The following DSCAM variants were observed in gnomAD, a reference collection of about 807,000 sequenced individuals.
The protein encoded by DSCAM is cell adhesion molecule DSCAM.
DSCAM carries 47 observed loss-of-function variants against 217.7 expected under a neutral mutation model. That is an observed-to-expected ratio of 0.22 (90% CI 0.17 to 0.28). DSCAM has a LOEUF of 0.28. DSCAM is among the 10% of genes least tolerant of loss of function. The pLI, the probability that DSCAM is intolerant of heterozygous loss-of-function variation, is 1.00. For missense variants in DSCAM, 2,080 were observed against 2,618.3 expected, an observed-to-expected ratio of 0.79 and a Z score of 4.49; for synonymous variants, 1,056 against 1,015.3, an observed-to-expected ratio of 1.04 and a Z score of -0.76.
At chr21:40,676,550 T>TTTTTG (rs1023112354) in intron 3 of DSCAM, among the ~76,000 whole-genome samples, 18 of 152,202 alleles carry the variant, frequency 1.2e-4, no homozygotes, top group African/African-American at 4.3e-4. Context: ...TTTGCTTGTT[T>TTTTTG]TTTTGTTTTG....
chr21:40,304,790 G>A (rs570463563), intron 9 of DSCAM, among the ~76,000 whole-genome samples: 1 of 152,226 alleles, frequency 6.6e-6, no homozygotes, highest in South Asian at 2.1e-4. Context: ...ACTGGGAAAT[G>A]GTTGGTTAGT....
intron 10 of DSCAM, among the ~76,000 whole-genome samples, chr21:40,289,559 C>T (rs973086109): frequency 1.3e-5 from 2 of 152,258 alleles, no homozygotes; most frequent in Admixed American, 1.3e-4. Context: ...AGTATAGACA[C>T]ATAAGATATG....
intron 3 of DSCAM, among the ~76,000 whole-genome samples, chr21:40,487,244 TCTCTTTCTCTCC>T (rs2076035985): frequency 1.7e-5 from 2 of 118,406 alleles, no homozygotes; most frequent in Admixed American, 1.7e-4. Flanking sequence ...TCTCTCTCTC[TCTCTTTCTCTCC>T]CTCTCTCTCT....
intron 9 of DSCAM, 34 bp from the exon 10 acceptor site, chr21:40,296,208 C>G (rs763751418): frequency 6.2e-7 from 1 of 1,611,078 alleles, no homozygotes; most frequent in East Asian, 2.2e-5. Context: ...GTAATTAAGA[C>G]TAGACCAGAA....
chr21:40,558,185 C>T (rs1217023479), intron 3 of DSCAM, among the ~76,000 whole-genome samples: 1 of 152,052 alleles, frequency 6.6e-6, no homozygotes. Flanking sequence ...ATCTCTTTAT[C>T]AGTTGTCATT....
intron 11 of DSCAM, among the ~76,000 whole-genome samples, chr21:40,190,518 C>T (rs1352965547): frequency 2.6e-5 from 4 of 152,082 alleles, no homozygotes; most frequent in Non-Finnish European, 5.9e-5. Flanking sequence ...AAATAAAAAT[C>T]CACAAAGGCA....
At chr21:40,176,515 C>T (rs2090733665) in intron 15 of DSCAM, among the ~76,000 whole-genome samples, 1 of 152,160 alleles carries the variant, frequency 6.6e-6, no homozygotes, top group Non-Finnish European at 1.5e-5. Flanking sequence ...TGTCTACAGC[C>T]CCTGCTCAAT....
chr21:40,443,183 C>G (rs192192197), intron 3 of DSCAM, among the ~76,000 whole-genome samples: 2 of 152,300 alleles, frequency 1.3e-5, no homozygotes, highest in East Asian at 3.9e-4. Flanking sequence ...TTCGCTTAAT[C>G]AATTTCTTTT....
chr21:40,179,003 G>A lies in DSCAM; in HGVS notation c.2871C>T (p.Ser957=), dbSNP rs949273457. Residue 957 remains serine, a synonymous_variant, in exon 15 of 33, where the codon AGC becomes AGT. Transcript: ENST00000400454. The part of the protein sequence containing the change: ...IIDIHPSSTY[S]IRMYAKNRIG... ...TCCGGTTCTTGGCGTACATGCGGAT[G>A]CTGTAGGTGGAGGAAGGGTGGATAT... 1 of 1,614,060 alleles carries A rather than the reference G, an allele frequency of 6.2e-7. No homozygotes were observed. The highest frequency in any genetic ancestry group is 1.7e-5 in the Admixed American group (1 of 60,014).
chr21:40,602,460 T>C (rs1248337755), intron 3 of DSCAM, among the ~76,000 whole-genome samples: 1 of 152,190 alleles, frequency 6.6e-6, no homozygotes, highest in East Asian at 1.9e-4. Flanking sequence ...CCTGATGCTA[T>C]CTTTTTTGGA....
chr21:40,692,657 C>T (rs575871464), intron 3 of DSCAM, among the ~76,000 whole-genome samples, 153 bp downstream of exon 3: 58 of 152,314 alleles, frequency 3.8e-4, no homozygotes, highest in African/African-American at 1.4e-3. Context: ...ATACAAAACA[C>T]TTATTTCAGG....
At position 40,072,643 on chromosome 21, in the gene DSCAM, C is replaced by A. The variant is rs185210127; in HGVS notation, c.4888+2394G>T. 3.3e-5 allele frequency among the ~76,000 whole-genome samples: 5 copies of A among 152,214 alleles called. No individual in the cohort carries two copies. In the South Asian group the frequency reaches 6.2e-4, roughly 19 times the overall value. ...GATTACAGGTGTGAGCCACCGCACC[C>A]GGCCTCTCCTGTCAGATTCTTGATT... On this transcript the variant is annotated intron_variant, in intron 27 of 32. Transcript: ENST00000400454.
At chr21:40,214,613 C>T (rs1455605948) in intron 11 of DSCAM, among the ~76,000 whole-genome samples, 1 of 151,156 alleles carries the variant, frequency 6.6e-6, no homozygotes, top group African/African-American at 2.4e-5. Flanking sequence ...CACCACTGAA[C>T]ATGTAAGGAT....
intron 3 of DSCAM, among the ~76,000 whole-genome samples, chr21:40,392,686 C>T (rs565016063): frequency 6.6e-6 from 1 of 152,160 alleles, no homozygotes; most frequent in African/African-American, 2.4e-5. Context: ...TCTGGGTCTA[C>T]TCCCAAACAC....
At chr21:40,828,118 G>T (rs1236823183) in intron 1 of DSCAM, among the ~76,000 whole-genome samples, 1 of 152,090 alleles carries the variant, frequency 6.6e-6, no homozygotes, top group African/African-American at 2.4e-5. Flanking sequence ...AAATGCAAGG[G>T]CAGGACTGAT....
In DSCAM at chr21:40,026,923, T is replaced by C. The variant is rs374461974; in HGVS notation, c.5687-13537A>G. On this transcript the variant is annotated intron_variant, in intron 32 of 32. Coordinates refer to ENST00000400454, the MANE Select transcript of DSCAM (RefSeq NM_001389.5). ...TGTGTATTTGATCCTGTCATTATGA[T>C]GTTAGCTGGTTATTTTGCTCGTTAG... is the stretch of plus-strand genomic sequence containing the variant. Among the ~76,000 whole-genome samples, 4 of 152,294 alleles carry C rather than the reference T, an allele frequency of 2.6e-5. No individual in the cohort carries two copies. In the East Asian group the frequency reaches 5.8e-4, roughly 22 times the overall value.
chr21:40,544,116 G>A (rs2076562643), intron 3 of DSCAM, among the ~76,000 whole-genome samples: 1 of 152,156 alleles, frequency 6.6e-6, no homozygotes. Flanking sequence ...GCATCAGCAG[G>A]AGTCAGGAGG....
chr21:40,044,029 G>C, intron 31 of DSCAM, 49 bp downstream of exon 31: 1 of 1,596,774 alleles, frequency 6.3e-7, no homozygotes, highest in Non-Finnish European at 8.6e-7. Flanking sequence ...CTCAAGGTGC[G>C]GGGGCCGTGC....
chr21:40,259,110 A>G (rs983287564), intron 11 of DSCAM, among the ~76,000 whole-genome samples: 4 of 152,244 alleles, frequency 2.6e-5, no homozygotes, highest in African/African-American at 9.6e-5. Flanking sequence ...AAGCAAATGC[A>G]TACTAACATA....
Sources: gnomAD v4.1 joint callset for allele counts (sites outside exome capture counted in the v4.1 genomes callset) on GRCh38, gnomAD v4.1.1 for gene constraint, MANE v1.5 for transcripts, NCBI Gene and HGNC (gene_info 2026-07-23, HGNC 2026-07-21) for gene names.